The following ADGRD1 variants were observed in gnomAD, a reference collection of about 807,000 sequenced individuals.
The protein encoded by ADGRD1 is G-protein coupled receptor 133.
In ADGRD1, 77 loss-of-function variants were observed where a neutral mutation model predicts 113.4. That is an observed-to-expected ratio of 0.68 (90% CI 0.57 to 0.82). The LOEUF (loss-of-function observed/expected upper bound fraction) is 0.82, where lower values mean the gene tolerates loss of function less well. Among genes scored for constraint, ADGRD1 ranks in the 40% least tolerant of loss-of-function variants. The pLI is 0.00. For missense variants in ADGRD1, 1,036 were observed against 1,139.1 expected (o/e 0.91, Z 1.30); for synonymous variants, 474 against 475.0 (o/e 1.00, Z 0.03).
intron 15 of ADGRD1, 59 bp from the exon 16 acceptor site, chr12:131,104,772 T>C: frequency 8.0e-7 from 1 of 1,245,486 alleles, no homozygotes; most frequent in Non-Finnish European, 1.1e-6. Flanking sequence ...CCTCTGCAGC[T>C]TCAGGCTCCG....
At position 131,057,847 on chromosome 12, in the gene ADGRD1, T is replaced by C. The variant is rs910323998; in HGVS notation, c.1474-18954T>C. The stretch of plus-strand genomic sequence containing the variant: ...GGCAGAAAATGGGTCTGCATGTCTC[T>C]GCCTTCACTGGTACCTCCCTAGTCA... On this transcript the variant is annotated intron_variant, in intron 13 of 24. Coordinates refer to ENST00000261654, the MANE Select transcript of ADGRD1 (RefSeq NM_198827.5). This position sits in a 1 kb window ranked among gnomAD's most constrained non-coding sequence, Gnocchi z 4.2. 6.6e-6 allele frequency among the ~76,000 whole-genome samples: 1 copy of C among 152,220 alleles called. No homozygotes were observed. The highest frequency in any genetic ancestry group is 2.4e-5 in the African/African-American group (1 of 41,454).
In ADGRD1 at chr12:131,104,853, C is replaced by T. The variant is rs1221659296; in HGVS notation, c.1694C>T (p.Ala565Val). Residue 565 changes from alanine (A) to valine (V), a missense_variant, in exon 16 of 25, where the codon GCG becomes GTG. Transcript: ENST00000261654. The stretch of plus-strand genomic sequence containing the variant: ...CAGCTTGCACGCGGACACCAGGTGG[C>T]GCTGTCGTCTATCAGCTATGTGGGC... ...PLELARGHQV[A>V]LSSISYVGCS... The T allele has an allele frequency of 2.1e-5, 32 of 1,549,310 alleles. No homozygotes were observed. Among genetic ancestry groups the T allele is most frequent in the Middle Eastern group, 1.7e-4 (1 of 5,948 alleles).
chr12:131,130,132 G>T (rs1470456656), intron 20 of ADGRD1, among the ~76,000 whole-genome samples: 1 of 152,246 alleles, frequency 6.6e-6, no homozygotes, highest in African/African-American at 2.4e-5. Flanking sequence ...ACACAGTGAG[G>T]TTGGCTGGGG....
At chr12:130,981,825 C>T in intron 4 of ADGRD1, 59 bp from the exon 5 acceptor site, 2 of 1,135,870 alleles carry the variant, frequency 1.8e-6, no homozygotes, top group Non-Finnish European at 1.3e-6. Context: ...GAACCATGTG[C>T]TTGCGAGAAG....
chr12:131,071,482 G>C (rs1885167159), intron 13 of ADGRD1, among the ~76,000 whole-genome samples: 1 of 152,154 alleles, frequency 6.6e-6, no homozygotes, highest in African/African-American at 2.4e-5. Flanking sequence ...ATGTGAGTGG[G>C]GTGGAGTTAA....
chr12:130,972,798 C>T (rs1159383879), intron 4 of ADGRD1, among the ~76,000 whole-genome samples: 1 of 152,006 alleles, frequency 6.6e-6, no homozygotes, highest in African/African-American at 2.4e-5. Flanking sequence ...CAGAAAGCTC[C>T]AGCAACCACA....
chr12:131,065,264 G>A (rs575361680), intron 13 of ADGRD1, among the ~76,000 whole-genome samples: 4 of 152,220 alleles, frequency 2.6e-5, no homozygotes, highest in Non-Finnish European at 4.4e-5. Flanking sequence ...AGGGTGGCTT[G>A]GGAAGCGATT....
intron 4 of ADGRD1, among the ~76,000 whole-genome samples, chr12:130,972,222 G>C (rs765352848): frequency 2.0e-5 from 3 of 152,164 alleles, no homozygotes; most frequent in Non-Finnish European, 4.4e-5. Context: ...GGATCACATT[G>C]CAAATTTTCT....
chr12:131,051,592 T>A (rs1883402466), intron 13 of ADGRD1, among the ~76,000 whole-genome samples: 1 of 151,828 alleles, frequency 6.6e-6, no homozygotes, highest in African/African-American at 2.4e-5. Flanking sequence ...CAAGCTATTC[T>A]CGTCCTTCAG....
intron 13 of ADGRD1, among the ~76,000 whole-genome samples, chr12:131,052,072 A>G (rs1198735330): frequency 1.3e-5 from 2 of 152,064 alleles, no homozygotes; most frequent in African/African-American, 4.8e-5. Flanking sequence ...TGATCTGAAA[A>G]CTTCCAGCTC....
intron 13 of ADGRD1, among the ~76,000 whole-genome samples, chr12:131,020,072 G>A (rs113034554): frequency 8.2e-5 from 10 of 122,688 alleles, no homozygotes; most frequent in Admixed American, 3.6e-4. Context: ...CCCGAGCTCC[G>A]TCCAGGGCAG....
intron 13 of ADGRD1, among the ~76,000 whole-genome samples, chr12:131,017,657 AAC>A (rs1263504624): frequency 7.1e-6 from 1 of 141,700 alleles, no homozygotes; most frequent in Non-Finnish European, 1.5e-5. Context: ...AGACACACCC[AAC>A]ACAGATACAC....
chr12:131,137,341 C>T (rs558218774), intron 23 of ADGRD1, among the ~76,000 whole-genome samples: 107 of 152,354 alleles, frequency 7.0e-4, no homozygotes, highest in African/African-American at 2.4e-3. Flanking sequence ...AGAAGGAGGA[C>T]TTCTGTCCAC....
chr12:131,132,549 C>T (rs1593272332), intron 21 of ADGRD1, among the ~76,000 whole-genome samples: 1 of 152,352 alleles, frequency 6.6e-6, no homozygotes, highest in East Asian at 1.9e-4. Context: ...CTCGCCTTCG[C>T]ATCCTTAGTG....
intron 4 of ADGRD1, among the ~76,000 whole-genome samples, chr12:130,979,833 A>G (rs1432811712): frequency 6.7e-6 from 1 of 148,864 alleles, no homozygotes; most frequent in Admixed American, 6.6e-5. Context: ...ACACACACAC[A>G]CACACACACA....
intron 20 of ADGRD1, among the ~76,000 whole-genome samples, chr12:131,130,899 C>T (rs1317605228): frequency 6.6e-6 from 1 of 152,204 alleles, no homozygotes; most frequent in Non-Finnish European, 1.5e-5. Context: ...GAGGTAGAGC[C>T]CTGTTCATTG....
chr12:131,136,812 G>C (rs1219461914), intron 22 of ADGRD1, among the ~76,000 whole-genome samples, 161 bp from the exon 23 acceptor site: 4 of 152,232 alleles, frequency 2.6e-5, no homozygotes, highest in Non-Finnish European at 5.9e-5. Context: ...ATCATGGTGG[G>C]ACCCAGGACG....
rs979512879 is a variant in ADGRD1 at position 131,136,881 on chromosome 12, G to T, written c.2395-92G>T. The T allele has an allele frequency of 3.9e-6, 4 of 1,024,360 alleles. No individual in the cohort carries two copies. In the African/African-American group the frequency reaches 6.3e-5, roughly 16 times the overall value. The allele number at this position is 1,024,360 out of a possible 1,614,324, so 63.5% of individuals were successfully genotyped here. ...CCTGGTGTCACAGTGTGCGGTGCCA[G>T]TGCCACTCCCAGGCTGCATGGGAGG... On this transcript the variant is annotated intron_variant, in intron 22 of 24. Transcript: ENST00000261654.
In ADGRD1 at chr12:131,031,723, C is replaced by T. The variant is rs118172010; in HGVS notation, c.1473+17383C>T. On this transcript the variant is annotated intron_variant, in intron 13 of 24. Transcript: ENST00000261654. Reference sequence around the variant, plus strand: ...ATCTCTGTGTCTTTGATTCTTGTGCCCCCAGGGTTGGGCCTGGGTGTCAAC... The same window carrying T: ...ATCTCTGTGTCTTTGATTCTTGTGCTCCCAGGGTTGGGCCTGGGTGTCAAC... Among the ~76,000 whole-genome samples, 1,278 of 152,230 alleles carry T rather than the reference C, an allele frequency of 8.4e-3. 13 individuals carry two copies. Among genetic ancestry groups the T allele is most frequent in the Middle Eastern group, 0.031 (9 of 294 alleles).
Sources: allele counts gnomAD v4.1 joint callset (sites outside exome capture counted in the v4.1 genomes callset), GRCh38; gene constraint gnomAD v4.1.1; non-coding constraint Gnocchi (gnomAD v3.1); transcripts MANE v1.5; gene names NCBI Gene and HGNC (gene_info 2026-07-23, HGNC 2026-07-21).